PDE3B: variants seen among roughly 807,000 people sequenced by gnomAD.
PDE3B encodes phosphodiesterase 3B.
A neutral mutation model predicts 116.8 loss-of-function variants in PDE3B; 66 were observed. That is an observed-to-expected ratio of 0.56 (90% confidence interval 0.46 to 0.69). PDE3B has a LOEUF of 0.69. Among genes scored for constraint, PDE3B ranks in the 30% least tolerant of loss-of-function variants. PDE3B has a pLI of 0.00. For synonymous variants in PDE3B, 595 were observed against 533.6 expected, an observed-to-expected ratio of 1.12 and a Z score of -1.59; for missense variants, 1,384 against 1,368.1, an observed-to-expected ratio of 1.01 and a Z score of -0.18.
intron 1 of PDE3B, among the ~76,000 whole-genome samples, chr11:14,762,896 A>G (rs1367283393): frequency 6.6e-6 from 1 of 152,218 alleles, no homozygotes; most frequent in Non-Finnish European, 1.5e-5. Flanking sequence ...AGGGAAGACT[A>G]TGGGGAGGAA....
chr11:14,833,658 A>G (rs1859967898), intron 10 of PDE3B, among the ~76,000 whole-genome samples: 4 of 152,214 alleles, frequency 2.6e-5, no homozygotes. Flanking sequence ...TCATATTAGA[A>G]AAAGATGGAC....
rs781042635 is a variant in PDE3B at position 14,818,200 on chromosome 11, A to C, written c.1540A>C (p.Ser514Arg). Residue 514 changes from serine to arginine, a missense_variant, in exon 6 of 16, where the codon AGT (serine) becomes CGT (arginine). This residue lies in a region of PDE3B where 956 missense variants were observed against 806.8 expected (regional missense o/e 1.18). Transcript: ENST00000282096. ...LRRAGVLSSL[S>R]PVNSSNHGPV... ...TTTTAAAGGTGTTTTGTCCAGTCTG[A>C]GTCCTGTGAATTCTTCCAACCATGG... 6.2e-7 allele frequency: 1 copy of C among 1,611,260 alleles called. No homozygotes were observed. Among genetic ancestry groups the C allele is most frequent in the Non-Finnish European group, 8.5e-7 (1 of 1,177,564 alleles).
intron 12 of PDE3B, among the ~76,000 whole-genome samples, chr11:14,847,822 G>C (rs1847645177): frequency 6.6e-6 from 1 of 152,110 alleles, no homozygotes; most frequent in African/African-American, 2.4e-5. Context: ...CCAATAACAG[G>C]CTCTGAAATT....
At chr11:14,819,916 A>T (rs1325270097) in intron 7 of PDE3B, among the ~76,000 whole-genome samples, 1 of 152,166 alleles carries the variant, frequency 6.6e-6, no homozygotes, top group Non-Finnish European at 1.5e-5. Flanking sequence ...GAGCAATTTT[A>T]TTAGCAGCTT....
chr11:14,860,224 A>G (rs1360487149), intron 13 of PDE3B, among the ~76,000 whole-genome samples: 1 of 152,172 alleles, frequency 6.6e-6, no homozygotes, highest in African/African-American at 2.4e-5. Flanking sequence ...AGATTATCTA[A>G]TACAATACTT....
chr11:14,668,064 T>C (rs943883496), intron 1 of PDE3B, among the ~76,000 whole-genome samples: 21 of 151,892 alleles, frequency 1.4e-4, no homozygotes, highest in Non-Finnish European at 2.2e-4. Context: ...CATACAATCC[T>C]ATTTCAGGGG....
At chr11:14,885,162 TACTATTA>T in the PDE3B span, among the ~76,000 whole-genome samples, 1 of 152,218 alleles carries the variant, frequency 6.6e-6, no homozygotes, top group Non-Finnish European at 1.5e-5. Flanking sequence ...AAAATTCTTA[TACTATTA>T]ACTATTAAAA....
At chr11:14,836,959 G>A (rs1590183132) in intron 11 of PDE3B, among the ~76,000 whole-genome samples, 1 of 152,176 alleles carries the variant, frequency 6.6e-6, no homozygotes. Context: ...GACTACAGAT[G>A]CACGCTGCCA....
intron 11 of PDE3B, among the ~76,000 whole-genome samples, chr11:14,835,802 T>A (rs974855404): frequency 1.3e-5 from 2 of 152,034 alleles, no homozygotes; most frequent in African/African-American, 2.4e-5. Context: ...TACAAAAAAA[T>A]TTTTAAAAAA....
intron 14 of PDE3B, among the ~76,000 whole-genome samples, chr11:14,864,785 A>G (rs1053670059): frequency 6.6e-6 from 1 of 152,186 alleles, no homozygotes; most frequent in Non-Finnish European, 1.5e-5. Flanking sequence ...AATGAAATTA[A>G]GGCAGAAATA....
chr11:14,651,025 A>C (rs185353524), intron 1 of PDE3B, among the ~76,000 whole-genome samples: 1 of 152,070 alleles, frequency 6.6e-6, no homozygotes, highest in African/African-American at 2.4e-5. Context: ...CTGCCATGAC[A>C]AAGTAGCACA....
intron 1 of PDE3B, among the ~76,000 whole-genome samples, chr11:14,685,544 C>T (rs1442224360): frequency 2.1e-5 from 3 of 142,628 alleles, no homozygotes; most frequent in African/African-American, 7.6e-5. Context: ...AAACCTCCAT[C>T]TCCTGGGTTC....
At chr11:14,738,058 GA>G (rs1277170096) in intron 1 of PDE3B, among the ~76,000 whole-genome samples, 1 of 152,050 alleles carries the variant, frequency 6.6e-6, no homozygotes, top group African/African-American at 2.4e-5. Context: ...TTGCTATTGT[GA>G]ATAGGGCCAC....
At chr11:14,868,718 A>C (rs1179182196) in intron 15 of PDE3B, among the ~76,000 whole-genome samples, 2 of 152,204 alleles carry the variant, frequency 1.3e-5, no homozygotes, top group Non-Finnish European at 2.9e-5. Context: ...AGAACCTCCC[A>C]CTGCAACACA....
chr11:14,711,757 A>G (rs749838011), intron 1 of PDE3B, among the ~76,000 whole-genome samples: 3 of 152,154 alleles, frequency 2.0e-5, no homozygotes, highest in African/African-American at 7.2e-5. Flanking sequence ...CATCCAAACT[A>G]TATCAAAGGG....
rs1392228847 is a variant in PDE3B, at chr11:14,644,624, C to T, written c.549C>T (p.Ser183=). 7 of 1,523,992 alleles carry T rather than the reference C, an allele frequency of 4.6e-6. No individual in the cohort carries two copies. Among genetic ancestry groups the T allele is most frequent in the Non-Finnish European group, 6.1e-6 (7 of 1,138,262 alleles). 94.4% of individuals were successfully genotyped at this position (1,523,992 alleles called of 1,614,324 possible). ...SWPWGDGDAG[S]AAPHTPPEAA... is the part of the protein sequence containing the mutation. Reference sequence around the variant, plus strand: ...CTTGGGGGGATGGCGACGCAGGGTCCGCGGCCCCGCACACGCCCCCGGAGG... The same window carrying T: ...CTTGGGGGGATGGCGACGCAGGGTCTGCGGCCCCGCACACGCCCCCGGAGG... The change falls in exon 1 of 16, where the codon TCC becomes TCT. Residue 183 remains serine (S), a synonymous_variant. Transcript: ENST00000282096.
the PDE3B span, chr11:14,880,889 C>G: frequency 1.1e-6 from 1 of 927,004 alleles, no homozygotes; most frequent in Non-Finnish European, 1.6e-6. Flanking sequence ...TCCTATATAA[C>G]TACATGGTTG....
At chr11:14,807,724 CA>C (rs1159664754) in intron 5 of PDE3B, among the ~76,000 whole-genome samples, 1 of 151,968 alleles carries the variant, frequency 6.6e-6, no homozygotes, top group East Asian at 1.9e-4. Flanking sequence ...AAGTTTTCAA[CA>C]AAAATTGGAC....
intron 1 of PDE3B, among the ~76,000 whole-genome samples, chr11:14,722,948 T>C (rs961242354): frequency 6.6e-6 from 1 of 152,208 alleles, no homozygotes; most frequent in Non-Finnish European, 1.5e-5. Context: ...ATCTTATTTA[T>C]GAAAGTACAT....
Sources: allele counts gnomAD v4.1 joint callset (sites outside exome capture counted in the v4.1 genomes callset), GRCh38; gene constraint gnomAD v4.1.1; regional missense constraint gnomAD v4.1.1; transcripts MANE v1.5; gene names NCBI Gene and HGNC (gene_info 2026-07-23, HGNC 2026-07-21).